Variants in TMED2 observed in about 807,000 individuals in gnomAD.
TMED2 encodes the protein transmembrane p24 trafficking protein 2.
Under a neutral mutation model 17.5 loss-of-function variants are expected in TMED2, and 3 were observed. That is an observed-to-expected ratio of 0.17 (90% confidence interval 0.08 to 0.44). TMED2 has a LOEUF of 0.44. TMED2 is among the 20% of genes least tolerant of loss of function. TMED2 has a pLI of 0.99. For missense variants in TMED2, 149 were observed against 254.8 expected (o/e 0.58, Z 2.83); for synonymous variants, 95 against 91.0 (o/e 1.04, Z -0.25).
intron 1 of TMED2, chr12:123,585,186 T>C: frequency 4.6e-6 from 1 of 217,194 alleles, no homozygotes. Context: ...GGCGGGTCTC[T>C]ATCCAGTTAG....
chr12:123,585,102 C>G, intron 1 of TMED2: 1 of 361,642 alleles, frequency 2.8e-6, no homozygotes, highest in Non-Finnish European at 5.2e-6. Flanking sequence ...TGGAACCTCT[C>G]GCTGAGCTTT....
At chr12:123,594,558 G>A (rs928093488) in intron 3 of TMED2, among the ~76,000 whole-genome samples, 3 of 152,062 alleles carry the variant, frequency 2.0e-5, no homozygotes, top group Admixed American at 6.6e-5. Flanking sequence ...AGGAGCTTGA[G>A]ACCAACCTGG....
chr12:123,593,800 A>G (rs1953410485), intron 3 of TMED2, among the ~76,000 whole-genome samples: 1 of 150,550 alleles, frequency 6.6e-6, no homozygotes, highest in African/African-American at 2.4e-5. Context: ...GCCAAGCCCT[A>G]TTTTCTTTTT....
intron 3 of TMED2, among the ~76,000 whole-genome samples, chr12:123,594,385 C>G (rs1007043852): frequency 1.3e-5 from 2 of 151,726 alleles, no homozygotes; most frequent in African/African-American, 4.8e-5. Flanking sequence ...CCACCCGCCT[C>G]GACCTCACAA....
At chr12:123,595,005 G>T (rs1397216164) in intron 3 of TMED2, among the ~76,000 whole-genome samples, 3 of 152,176 alleles carry the variant, frequency 2.0e-5, no homozygotes, top group African/African-American at 7.2e-5. Flanking sequence ...GAGGCAGGCA[G>T]ATCACCTGAG....
chr12:123,586,843 T>G lies in TMED2; in HGVS notation c.277T>G (p.Cys93Gly). The change falls in exon 2 of 4, where the codon TGT (cysteine) becomes GGT (glycine). Residue 93 changes from cysteine to glycine, a missense_variant. Coordinates refer to ENST00000262225, the MANE Select transcript of TMED2 (RefSeq NM_006815.4). ...TCACATGGATGGAACATACAAATTT[T>G]GTTTTAGTAACCGGATGTCCACCAT... ...AAHMDGTYKF[C>G]FSNRMSTMTP... 6.2e-7 allele frequency: 1 copy of G among 1,613,830 alleles called. No homozygotes were observed. The highest frequency in any genetic ancestry group is 8.5e-7 in the Non-Finnish European group (1 of 1,179,914).
intron 3 of TMED2, 91 bp downstream of exon 3, chr12:123,590,540 T>C: frequency 9.0e-7 from 1 of 1,109,174 alleles, no homozygotes; most frequent in Non-Finnish European, 1.3e-6. Context: ...TTGGAAACTT[T>C]GCAAATTTTA....
Position 123,596,976 on chromosome 12 carries a change from A to G in TMED2, c.*247A>G, listed in dbSNP as rs934703004. 3 of 267,264 alleles carry G rather than the reference A, an allele frequency of 1.1e-5. No individual in the cohort carries two copies. Among genetic ancestry groups the G allele is most frequent in the Non-Finnish European group, 1.4e-5 (2 of 143,504 alleles). The allele number at this position is 267,264 out of a possible 1,614,324, so 16.6% of individuals were successfully genotyped here. On this transcript the variant is annotated 3_prime_UTR_variant, in exon 4 of 4. Transcript: ENST00000262225. ...ATTATATAGGTCCTTCCAGGAACTCAAACACTGTAAGTGAAATATGGGAGT... is the reference window on the plus strand; with the variant it reads ...ATTATATAGGTCCTTCCAGGAACTCGAACACTGTAAGTGAAATATGGGAGT...
intron 3 of TMED2, among the ~76,000 whole-genome samples, chr12:123,596,218 C>T (rs1000756977): frequency 1.3e-5 from 2 of 152,174 alleles, no homozygotes; most frequent in African/African-American, 4.8e-5. Context: ...TGTTCACTAA[C>T]TTGATAAATA....
chr12:123,590,540 T>A, intron 3 of TMED2, 91 bp downstream of exon 3: 2 of 1,109,174 alleles, frequency 1.8e-6, no homozygotes, highest in South Asian at 1.5e-5. Context: ...TTGGAAACTT[T>A]GCAAATTTTA....
chr12:123,586,682 C>T (rs931088548), intron 1 of TMED2, 65 bp from the exon 2 acceptor site: 12 of 1,459,620 alleles, frequency 8.2e-6, no homozygotes, highest in Non-Finnish European at 9.2e-6. Context: ...TGCCATTAGA[C>T]ATTACTTATA....
In TMED2 at chr12:123,598,335, T is replaced by C. The variant is rs1207252856; in HGVS notation, c.*1606T>C. On this transcript the variant is annotated 3_prime_UTR_variant, in exon 4 of 4. Transcript: ENST00000262225. ...TTCTGCGTAGGTTTTCCAGTGTGGCTTCTCTGATGGATCAGTGCTAAAATC... is the reference window on the plus strand; with the variant it reads ...TTCTGCGTAGGTTTTCCAGTGTGGCCTCTCTGATGGATCAGTGCTAAAATC... The C allele has an allele frequency of 6.6e-6, 1 of 152,222 alleles. No homozygotes were observed. The highest frequency in any genetic ancestry group is 2.4e-5 in the African/African-American group (1 of 41,456). The allele number at this position is 152,222 out of a possible 1,614,324, so 9.4% of individuals were successfully genotyped here. A position where few individuals can be genotyped will look rare whatever the true frequency, so the allele number is the denominator to read the frequency against.
intron 3 of TMED2, among the ~76,000 whole-genome samples, chr12:123,592,027 T>C (rs1953396199): frequency 6.6e-6 from 1 of 152,224 alleles, no homozygotes; most frequent in African/African-American, 2.4e-5. Context: ...TTGCTACTTA[T>C]GGAAACAAAT....
At chr12:123,595,665 C>T (rs1002302274) in intron 3 of TMED2, among the ~76,000 whole-genome samples, 10 of 151,946 alleles carry the variant, frequency 6.6e-5, no homozygotes, top group Admixed American at 6.6e-5. Context: ...GGGTTTTAAC[C>T]CTAGAATTAT....
chr12:123,587,291 C>A (rs1433183664), intron 2 of TMED2, among the ~76,000 whole-genome samples: 1 of 152,210 alleles, frequency 6.6e-6, no homozygotes, highest in African/African-American at 2.4e-5. Flanking sequence ...CCATGCCCGG[C>A]TAATTTTTGT....
intron 3 of TMED2, among the ~76,000 whole-genome samples, chr12:123,595,211 A>G (rs1372314203): frequency 1.3e-5 from 2 of 152,232 alleles, no homozygotes; most frequent in African/African-American, 4.8e-5. Flanking sequence ...CCTGGGTGAC[A>G]GTGAGACTCT....
At chr12:123,585,554 G>T (rs1419578624) in intron 1 of TMED2, 1 of 152,182 alleles carries the variant, frequency 6.6e-6, no homozygotes, top group African/African-American at 2.4e-5. Flanking sequence ...TAATTCACCT[G>T]CTAGCATGAT....
At chr12:123,586,672 T>C (rs898215408) in intron 1 of TMED2, 75 bp from the exon 2 acceptor site, 12 of 1,410,108 alleles carry the variant, frequency 8.5e-6, no homozygotes, top group Non-Finnish European at 1.0e-5. Context: ...AATTTCTTAC[T>C]GCCATTAGAC....
At position 123,587,550 on chromosome 12, in the gene TMED2, C is replaced by T; in HGVS notation, c.373+611C>T. 8 of 1,223,612 alleles carry T rather than the reference C, an allele frequency of 6.5e-6. No homozygotes were observed. The South Asian group carries it at 9.6e-5, about 15-fold the overall frequency. 75.8% of individuals were successfully genotyped at this position (1,223,612 alleles called of 1,614,324 possible). On this transcript the variant is annotated intron_variant, in intron 2 of 3. Transcript: ENST00000262225. ...TTTATTTGCTCATTTGTATACATGACTAGTTTAGCTAAACTTTTTGTTGGT... is the reference window on the plus strand; with the variant it reads ...TTTATTTGCTCATTTGTATACATGATTAGTTTAGCTAAACTTTTTGTTGGT...
Sources: gnomAD v4.1 joint callset for allele counts (sites outside exome capture counted in the v4.1 genomes callset) on GRCh38, gnomAD v4.1.1 for gene constraint, MANE v1.5 for transcripts, NCBI Gene and HGNC (gene_info 2026-07-23, HGNC 2026-07-21) for gene names.